Variants in LINGO2 observed in about 807,000 individuals in gnomAD.
LINGO2 encodes the protein leucine-rich repeat and immunoglobulin-like domain-containing nogo receptor-interacting protein 2.
LINGO2 carries 14 observed loss-of-function variants against 30.6 expected under a neutral mutation model. The observed-to-expected ratio is 0.46, with a 90% CI of 0.30 to 0.72. The LOEUF is 0.72. LINGO2 is among the 30% of genes least tolerant of loss of function. The probability of loss-of-function intolerance (pLI) is 0.07; values close to 1 mark genes in which losing one functional copy is unlikely to be tolerated. For synonymous variants in LINGO2, 317 were observed against 288.5 expected, an observed-to-expected ratio of 1.10 and a Z score of -1.00; for missense variants, 729 against 751.7, an observed-to-expected ratio of 0.97 and a Z score of 0.35.
intron 4 of LINGO2, among the ~76,000 whole-genome samples, chr9:28,167,041 G>C (rs1406345775): frequency 6.6e-6 from 1 of 151,926 alleles, no homozygotes; most frequent in African/African-American, 2.4e-5. Context: ...CATTTTTCCA[G>C]CCTGTAGAAT....
At chr9:28,403,399 T>C (rs1010201780) in intron 2 of LINGO2, among the ~76,000 whole-genome samples, 4 of 152,194 alleles carry the variant, frequency 2.6e-5, no homozygotes, top group African/African-American at 9.7e-5. Context: ...AAGGTGGCTA[T>C]TTCTCATGGC....
At chr9:28,732,879 C>A in the LINGO2 span, among the ~76,000 whole-genome samples, 2 of 152,000 alleles carry the variant, frequency 1.3e-5, no homozygotes, top group African/African-American at 4.8e-5. Flanking sequence ...AAATCCTGGC[C>A]GGATGCAAGA....
intron 4 of LINGO2, among the ~76,000 whole-genome samples, chr9:28,037,887 G>A (rs1450695625): frequency 6.6e-6 from 1 of 152,216 alleles, no homozygotes; most frequent in East Asian, 1.9e-4. Flanking sequence ...TCCTTTACCT[G>A]AAGTAACTCA....
chr9:29,136,266 C>T, the LINGO2 span, among the ~76,000 whole-genome samples: 1 of 152,082 alleles, frequency 6.6e-6, no homozygotes, highest in Non-Finnish European at 1.5e-5. Context: ...TTCCCTTTAG[C>T]TTATTTGCCC....
intron 5 of LINGO2, among the ~76,000 whole-genome samples, chr9:27,983,211 A>G (rs1820964798): frequency 6.6e-6 from 1 of 151,930 alleles, no homozygotes; most frequent in African/African-American, 2.4e-5. Context: ...GCATCTTAGA[A>G]GCTCTATGAA....
chr9:28,218,862 T>G (rs571164345), intron 4 of LINGO2, among the ~76,000 whole-genome samples: 5 of 152,174 alleles, frequency 3.3e-5, no homozygotes, highest in African/African-American at 9.7e-5. Context: ...CTCCATTCCA[T>G]AGCAAATAGC....
At chr9:28,107,281 C>T (rs574036366) in intron 4 of LINGO2, among the ~76,000 whole-genome samples, 1 of 152,270 alleles carries the variant, frequency 6.6e-6, no homozygotes, top group African/African-American at 2.4e-5. Context: ...TATTATATTC[C>T]TAGCACCTTT....
intron 3 of LINGO2, among the ~76,000 whole-genome samples, chr9:28,316,817 T>C (rs566886874): frequency 6.6e-6 from 1 of 152,164 alleles, no homozygotes; most frequent in African/African-American, 2.4e-5. Context: ...ACGTTTAATC[T>C]GACACCAGGA....
the LINGO2 span, among the ~76,000 whole-genome samples, chr9:28,843,122 A>G: frequency 6.6e-6 from 1 of 151,886 alleles, no homozygotes; most frequent in Non-Finnish European, 1.5e-5. Flanking sequence ...AAGTCCTATG[A>G]ATATCTTTAG....
At chr9:28,216,246 T>C (rs1457530801) in intron 4 of LINGO2, among the ~76,000 whole-genome samples, 1 of 151,912 alleles carries the variant, frequency 6.6e-6, no homozygotes, top group Non-Finnish European at 1.5e-5. Context: ...AACCCATGGA[T>C]AGCTTTTCTA....
At chr9:29,151,744 A>G in the LINGO2 span, among the ~76,000 whole-genome samples, 3 of 152,232 alleles carry the variant, frequency 2.0e-5, no homozygotes, top group Non-Finnish European at 4.4e-5. Flanking sequence ...TCAGATTCAT[A>G]AAACAAATTA....
the LINGO2 span, among the ~76,000 whole-genome samples, chr9:28,703,031 G>T: frequency 6.6e-6 from 1 of 151,032 alleles, no homozygotes; most frequent in African/African-American, 2.4e-5. Context: ...TCTTAGCCTG[G>T]CTATATGCTA....
Position 28,609,601 on chromosome 9 carries a change from T to C in LINGO2, c.-365+60599A>G, listed in dbSNP as rs555710971. On this transcript the variant is annotated intron_variant, in intron 1 of 5. Coordinates refer to ENST00000379992, the Ensembl canonical transcript of LINGO2. Reference sequence around the variant, plus strand: ...AATAATAAAATATAGATATACACAATGCAGAGATCAGATAATGTCTTACTT... The same window carrying C: ...AATAATAAAATATAGATATACACAACGCAGAGATCAGATAATGTCTTACTT... Among the ~76,000 whole-genome samples the C allele has an allele frequency of 5.9e-5, 9 of 152,128 alleles. No homozygotes were observed. In the South Asian group the frequency reaches 1.9e-3, roughly 31 times the overall value.
At chr9:29,161,488 G>A in the LINGO2 span, among the ~76,000 whole-genome samples, 2 of 152,218 alleles carry the variant, frequency 1.3e-5, no homozygotes, top group Admixed American at 1.3e-4. Flanking sequence ...TCCTATGAAT[G>A]TCTCAAAATT....
intron 1 of LINGO2, among the ~76,000 whole-genome samples, chr9:28,642,827 A>G (rs981380598): frequency 2.0e-5 from 3 of 152,014 alleles, no homozygotes; most frequent in African/African-American, 4.8e-5. Context: ...AGAATATAAA[A>G]CCATTTTAAA....
chr9:28,527,231 C>T (rs1376003990), intron 1 of LINGO2, among the ~76,000 whole-genome samples: 2 of 152,270 alleles, frequency 1.3e-5, no homozygotes, highest in South Asian at 2.1e-4. Flanking sequence ...AAACCAGATT[C>T]TAGGTATCTG....
At chr9:28,611,190 C>A (rs955862454) in intron 1 of LINGO2, among the ~76,000 whole-genome samples, 1 of 152,040 alleles carries the variant, frequency 6.6e-6, no homozygotes, top group African/African-American at 2.4e-5. Flanking sequence ...GGGGAAAATA[C>A]TTTTTCCAGC....
At chr9:28,162,003 G>A (rs1828301037) in intron 4 of LINGO2, among the ~76,000 whole-genome samples, 1 of 151,866 alleles carries the variant, frequency 6.6e-6, no homozygotes, top group South Asian at 2.1e-4. Context: ...ACATCCAGGA[G>A]GCACTGAACA....
At chr9:28,913,027 G>A in the LINGO2 span, among the ~76,000 whole-genome samples, 1 of 152,054 alleles carries the variant, frequency 6.6e-6, no homozygotes, top group Non-Finnish European at 1.5e-5. Context: ...TTGAAAGTTA[G>A]TTAATTAACA....
Sources: gnomAD v4.1 joint callset for allele counts (sites outside exome capture counted in the v4.1 genomes callset) on GRCh38, gnomAD v4.1.1 for gene constraint, MANE v1.5 for transcripts, NCBI Gene and HGNC (gene_info 2026-07-23, HGNC 2026-07-21) for gene names.